GALNTL6: variants seen among roughly 807,000 people sequenced by gnomAD.
GALNTL6 encodes the protein polypeptide N-acetylgalactosaminyltransferase-like 6.
GALNTL6 carries 46 observed loss-of-function variants against 73.7 expected under a neutral mutation model. That is an observed-to-expected ratio of 0.62 (90% CI 0.49 to 0.80). The LOEUF is 0.80. GALNTL6 is among the 30% of genes least tolerant of loss of function. The pLI, the probability that GALNTL6 is intolerant of heterozygous loss-of-function variation, is 0.00. For synonymous variants in GALNTL6, 259 were observed against 263.7 expected (o/e 0.98, Z 0.17); for missense variants, 604 against 755.0 (o/e 0.80, Z 2.34).
At chr4:172,372,412 T>C (rs1469091219) in intron 5 of GALNTL6, among the ~76,000 whole-genome samples, 1 of 152,186 alleles carries the variant, frequency 6.6e-6, no homozygotes, top group Non-Finnish European at 1.5e-5. Flanking sequence ...TAGTATGCCA[T>C]TGACATTATG....
intron 2 of GALNTL6, among the ~76,000 whole-genome samples, chr4:172,046,017 A>G (rs1505481): frequency 0.97 from 148,120 of 152,110 alleles, 72,234 homozygotes; most frequent in Middle Eastern, 1. Flanking sequence ...TCTTGCAAAT[A>G]GCATAATTTT....
At chr4:172,386,189 A>G (rs1743463545) in intron 5 of GALNTL6, among the ~76,000 whole-genome samples, 3 of 152,140 alleles carry the variant, frequency 2.0e-5, no homozygotes, top group African/African-American at 2.4e-5. Context: ...ATTAATAATA[A>G]TTTTTATATT....
At chr4:171,833,287 ATAT>A (rs760420652) in intron 2 of GALNTL6, among the ~76,000 whole-genome samples, 169 of 151,796 alleles carry the variant, frequency 1.1e-3, no homozygotes, top group Middle Eastern at 3.4e-3. Flanking sequence ...TTTATTATAA[ATAT>A]TATTGCTGAC....
At position 172,508,371 on chromosome 4, in the gene GALNTL6, C is replaced by G. The variant is rs1218796726; in HGVS notation, c.553+159682C>G. Among the ~76,000 whole-genome samples, 5 of 55,368 alleles carry G rather than the reference C, an allele frequency of 9.0e-5. 2 individuals carry two copies. The highest frequency in any genetic ancestry group is 2.3e-4 in the African/African-American group (5 of 22,202). 36.3% of individuals were successfully genotyped at this position (55,368 alleles called of 152,430 possible). ...TTTCAAGAAGTTCGATGATGACATACAGCATGGTTTTCTGTGAAATATTGT... is the reference window on the plus strand; with the variant it reads ...TTTCAAGAAGTTCGATGATGACATAGAGCATGGTTTTCTGTGAAATATTGT... On this transcript the variant is annotated intron_variant, in intron 5 of 12. Transcript: ENST00000506823.
At chr4:172,747,783 T>C (rs1737190419) in intron 5 of GALNTL6, among the ~76,000 whole-genome samples, 1 of 150,466 alleles carries the variant, frequency 6.6e-6, no homozygotes, top group Admixed American at 6.6e-5. Context: ...ATCAAATGAT[T>C]AACTTTTTTT....
At chr4:172,125,619 C>G (rs1167334171) in intron 2 of GALNTL6, among the ~76,000 whole-genome samples, 1 of 152,170 alleles carries the variant, frequency 6.6e-6, no homozygotes, top group Non-Finnish European at 1.5e-5. Flanking sequence ...ATCACTTATT[C>G]AGACATTCCA....
chr4:172,208,463 C>G (rs1490865497), intron 2 of GALNTL6, among the ~76,000 whole-genome samples: 2 of 152,012 alleles, frequency 1.3e-5, no homozygotes, highest in Admixed American at 6.6e-5. Flanking sequence ...ATTACTAAAT[C>G]AGACATATCT....
chr4:172,615,964 A>G (rs1738711297), intron 5 of GALNTL6, among the ~76,000 whole-genome samples: 1 of 152,210 alleles, frequency 6.6e-6, no homozygotes, highest in Non-Finnish European at 1.5e-5. Context: ...TAAATGAAGT[A>G]TTAAAATGTT....
At chr4:172,840,615 A>G (rs1218864874) in intron 7 of GALNTL6, among the ~76,000 whole-genome samples, 1 of 152,258 alleles carries the variant, frequency 6.6e-6, no homozygotes, top group Non-Finnish European at 1.5e-5. Context: ...GCAAAGATAA[A>G]TGAAAGCACA....
At position 172,232,959 on chromosome 4, in the gene GALNTL6, T is replaced by C. The variant is rs533698624; in HGVS notation, c.247+3195T>C. 8.5e-5 allele frequency among the ~76,000 whole-genome samples: 13 copies of C among 152,328 alleles called. No homozygotes were observed. In the East Asian group the frequency reaches 1.2e-3, roughly 14 times the overall value. On this transcript the variant is annotated intron_variant, in intron 3 of 12. Coordinates refer to ENST00000506823, the MANE Select transcript of GALNTL6 (RefSeq NM_001034845.3). ...CGTATCCTACATTTTGTAGATTATT[T>C]TAAAACATCTCTTTATGTATGGTTT... is the stretch of plus-strand genomic sequence containing the variant.
chr4:173,022,078 G>GGAAGGAAA (rs1753023872), intron 12 of GALNTL6, among the ~76,000 whole-genome samples: 1 of 80,180 alleles, frequency 1.2e-5, no homozygotes, highest in Non-Finnish European at 2.7e-5. Context: ...AAGGAAGGAA[G>GGAAGGAAA]GAAGGAAGGA....
chr4:172,697,209 G>T (rs1182698942), intron 5 of GALNTL6, among the ~76,000 whole-genome samples: 1 of 152,098 alleles, frequency 6.6e-6, no homozygotes, highest in Non-Finnish European at 1.5e-5. Context: ...TGAAAATACT[G>T]GTTTTTATGG....
chr4:172,960,111 A>G (rs1749964874), intron 10 of GALNTL6, among the ~76,000 whole-genome samples: 1 of 152,254 alleles, frequency 6.6e-6, no homozygotes, highest in African/African-American at 2.4e-5. Context: ...AATAAAATGC[A>G]TATTAAGAAT....
intron 5 of GALNTL6, among the ~76,000 whole-genome samples, chr4:172,373,587 T>C (rs1432165967): frequency 6.6e-6 from 1 of 152,170 alleles, no homozygotes; most frequent in Non-Finnish European, 1.5e-5. Flanking sequence ...TAGCCTGATT[T>C]GGACTGGGTG....
chr4:172,692,997 T>C (rs1733408122), intron 5 of GALNTL6, among the ~76,000 whole-genome samples: 1 of 152,142 alleles, frequency 6.6e-6, no homozygotes, highest in African/African-American at 2.4e-5. Context: ...TAAGCCAAAA[T>C]TGTAATATGA....
At chr4:172,202,318 G>A (rs915232115) in intron 2 of GALNTL6, among the ~76,000 whole-genome samples, 5 of 152,150 alleles carry the variant, frequency 3.3e-5, no homozygotes, top group South Asian at 4.1e-4. Context: ...GCTGAAACTA[G>A]TGTGATGAGC....
chr4:172,866,837 G>A (rs1454556377), intron 7 of GALNTL6, among the ~76,000 whole-genome samples: 3 of 152,112 alleles, frequency 2.0e-5, no homozygotes, highest in Non-Finnish European at 2.9e-5. Context: ...CCACATTCCT[G>A]TCTGTAGTAT....
intron 10 of GALNTL6, among the ~76,000 whole-genome samples, chr4:172,993,103 C>A (rs6811225): frequency 6.6e-6 from 1 of 152,064 alleles, no homozygotes; most frequent in Non-Finnish European, 1.5e-5. Context: ...TGTGTCCCCC[C>A]AAAAATTCGT....
At chr4:172,418,509 A>T (rs1410956244) in intron 5 of GALNTL6, among the ~76,000 whole-genome samples, 1 of 152,144 alleles carries the variant, frequency 6.6e-6, no homozygotes, top group African/African-American at 2.4e-5. Context: ...CCCATCCTAT[A>T]GTGGGGAACC....
Sources: allele counts gnomAD v4.1 joint callset (sites outside exome capture counted in the v4.1 genomes callset), GRCh38; gene constraint gnomAD v4.1.1; transcripts MANE v1.5; gene names NCBI Gene and HGNC (gene_info 2026-07-23, HGNC 2026-07-21).